The following PRPH2 variants were observed in gnomAD, a reference collection of about 807,000 sequenced individuals.
PRPH2 encodes peripherin-2.
In PRPH2, 17 loss-of-function variants were observed where a neutral mutation model predicts 31.3. That is an observed-to-expected ratio of 0.54 (90% CI 0.37 to 0.81). PRPH2 has a LOEUF of 0.81. PRPH2 is among the 40% of genes least tolerant of loss of function. The probability of loss-of-function intolerance (pLI) is 0.00; values close to 1 mark genes in which losing one functional copy is unlikely to be tolerated. For missense variants in PRPH2, 430 were observed against 439.7 expected (o/e 0.98, Z 0.20); for synonymous variants, 165 against 184.4 (o/e 0.89, Z 0.85).
intron 1 of PRPH2, among the ~76,000 whole-genome samples, chr6:42,705,259 G>A (rs1475360404): frequency 6.6e-6 from 1 of 152,136 alleles, no homozygotes; most frequent in Admixed American, 6.6e-5. Flanking sequence ...ATATTTTTGT[G>A]TGTATTTGTT....
chr6:42,714,087 C>T (rs1761728514), intron 1 of PRPH2, among the ~76,000 whole-genome samples: 1 of 151,966 alleles, frequency 6.6e-6, no homozygotes, highest in African/African-American at 2.4e-5. Flanking sequence ...TTTAACATCG[C>T]TGGGAAACAG....
intron 1 of PRPH2, among the ~76,000 whole-genome samples, chr6:42,716,747 A>G (rs1761790544): frequency 6.7e-6 from 1 of 149,774 alleles, no homozygotes; most frequent in Admixed American, 6.7e-5. Flanking sequence ...CAGCCTCCCA[A>G]GTAGCTGGGA....
chr6:42,714,575 G>T (rs1205664263), intron 1 of PRPH2, among the ~76,000 whole-genome samples: 2 of 152,188 alleles, frequency 1.3e-5, no homozygotes, highest in Non-Finnish European at 2.9e-5. Flanking sequence ...GGAGTGCAGT[G>T]GTGCAATCTC....
chr6:42,697,733 T>TC lies in PRPH2; in HGVS notation c.*561dup, dbSNP rs1799971452. On this transcript the variant is annotated 3_prime_UTR_variant, in exon 3 of 3. Coordinates refer to ENST00000230381, the MANE Select transcript of PRPH2 (RefSeq NM_000322.5). Reference sequence around the variant, plus strand: ...TTTAGAGCCCTCAATGCCTTAAGAGTCCATTATTCTTAGAAAAGCGTAACT... The same window carrying TC: ...TTTAGAGCCCTCAATGCCTTAAGAGTCCCATTATTCTTAGAAAAGCGTAACT... 1 of 153,912 alleles carries TC rather than the reference T, an allele frequency of 6.5e-6. No homozygotes were observed. Among genetic ancestry groups the TC allele is most frequent in the Non-Finnish European group, 1.4e-5 (1 of 69,774 alleles). The allele number at this position is 153,912 out of a possible 1,614,324, so 9.5% of individuals were successfully genotyped here.
intron 1 of PRPH2, among the ~76,000 whole-genome samples, chr6:42,713,944 AAAAGACAGGG>A (rs1287371800): frequency 2.1e-4 from 31 of 150,828 alleles, no homozygotes; most frequent in South Asian, 1.5e-3. Context: ...AAAAAAAAAA[AAAAGACAGGG>A]AAAGACAGGG....
In PRPH2 at chr6:42,697,800, A is replaced by G. The variant is rs1408323910; in HGVS notation, c.*495T>C. 1 of 138,294 alleles carries G rather than the reference A, an allele frequency of 7.2e-6. No individual in the cohort carries two copies. The highest frequency in any genetic ancestry group is 1.5e-5 in the Non-Finnish European group (1 of 65,274). The allele number at this position is 138,294 out of a possible 1,614,324, so 8.6% of individuals were successfully genotyped here. On this transcript the variant is annotated 3_prime_UTR_variant, in exon 3 of 3. Transcript: ENST00000230381. ...CATTAAGCAAACGGCCAACCTGTCAATCTTGGCATTAAAAAAAAAAAAAAA... is the reference window on the plus strand; with the variant it reads ...CATTAAGCAAACGGCCAACCTGTCAGTCTTGGCATTAAAAAAAAAAAAAAA...
chr6:42,712,072 G>C (rs1582771777), intron 1 of PRPH2: 4 of 619,914 alleles, frequency 6.5e-6, no homozygotes, highest in South Asian at 1.4e-4. Context: ...CCTCGACCCA[G>C]ACTACTGGTT....
At chr6:42,706,229 C>A (rs1178762821) in intron 1 of PRPH2, among the ~76,000 whole-genome samples, 13 of 151,890 alleles carry the variant, frequency 8.6e-5, no homozygotes. Flanking sequence ...CACGGTGAAA[C>A]CCCGTCTCTA....
chr6:42,704,136 G>A (rs1800101253), intron 2 of PRPH2, among the ~76,000 whole-genome samples: 1 of 149,736 alleles, frequency 6.7e-6, no homozygotes, highest in Admixed American at 6.8e-5. Context: ...AATTTAAGTG[G>A]TGGGAAAGAA....
chr6:42,703,144 C>T (rs375383600), intron 2 of PRPH2, among the ~76,000 whole-genome samples: 2 of 147,500 alleles, frequency 1.4e-5, no homozygotes, highest in African/African-American at 5.0e-5. Context: ...CAGTGAGCTA[C>T]GATCATGCCC....
In PRPH2 at chr6:42,704,330, C is replaced by T. The variant is rs761440220; in HGVS notation, c.828+35G>A. ...AGACCCAAATGGGACCGGAGGCTCT[C>T]CTTACCCTCTACCCCCAGCTGGCCC... On this transcript the variant is annotated intron_variant, in intron 2 of 2. Coordinates refer to ENST00000230381, the MANE Select transcript of PRPH2 (RefSeq NM_000322.5). 2.5e-6 allele frequency: 4 copies of T among 1,597,098 alleles called. No homozygotes were observed. In the African/African-American group the frequency reaches 5.4e-5, roughly 21 times the overall value.
In PRPH2 at chr6:42,722,237, A is replaced by ATG; in HGVS notation, c.96_97dup (p.Ile33ThrfsTer6). On this transcript the variant is annotated frameshift_variant, in exon 1 of 3. Coordinates refer to ENST00000230381, the MANE Select transcript of PRPH2 (RefSeq NM_000322.5). LOFTEE classifies it high-confidence loss of function. This position sits in a 1 kb window ranked among gnomAD's most constrained non-coding sequence, Gnocchi z 4.4. ...CAGGAACAGTCCTAGGCTGAAGATGATGATGCCAGCCAACACGGAGAACCA... is the reference window on the plus strand; with the variant it reads ...CAGGAACAGTCCTAGGCTGAAGATGATGTGATGCCAGCCAACACGGAGAACCA... 6.2e-7 allele frequency: 1 copy of ATG among 1,614,170 alleles called. No homozygotes were observed. Among genetic ancestry groups the ATG allele is most frequent in the Non-Finnish European group, 8.5e-7 (1 of 1,180,032 alleles).
At position 42,698,737 on chromosome 6, in the gene PRPH2, T is replaced by C. The variant is rs433286; in HGVS notation, c.829-230A>G. Among the ~76,000 whole-genome samples, 117,589 of 151,970 alleles carry C rather than the reference T, an allele frequency of 0.77. 45,585 individuals carry two copies. Among genetic ancestry groups the C allele is most frequent in the East Asian group, 0.86 (4,406 of 5,138 alleles). On this transcript the variant is annotated intron_variant, in intron 2 of 2. Transcript: ENST00000230381. ...CCCTCTCCTCCTCCCTTTCCAGCCATCCTGGGCTGCTTCGGATTCGCCCAT... is the reference window on the plus strand; with the variant it reads ...CCCTCTCCTCCTCCCTTTCCAGCCACCCTGGGCTGCTTCGGATTCGCCCAT...
intron 1 of PRPH2, among the ~76,000 whole-genome samples, chr6:42,714,578 G>A (rs1316241748): frequency 6.6e-6 from 1 of 152,164 alleles, no homozygotes; most frequent in Non-Finnish European, 1.5e-5. Flanking sequence ...GTGCAGTGGT[G>A]CAATCTCAGC....
At chr6:42,715,051 A>G (rs1761749066) in intron 1 of PRPH2, among the ~76,000 whole-genome samples, 1 of 152,004 alleles carries the variant, frequency 6.6e-6, no homozygotes, top group Admixed American at 6.6e-5. Flanking sequence ...TTCACTAAAA[A>G]TACAAAAATT....
rs375136092 is a variant in PRPH2, at chr6:42,699,685, G to A, written c.829-1178C>T. On this transcript the variant is annotated intron_variant, in intron 2 of 2. Coordinates refer to ENST00000230381, the MANE Select transcript of PRPH2 (RefSeq NM_000322.5). ...GAGGATTGCTTGAGCTCAGGAGTTC[G>A]AGACCAGCCTGGGCAACATAGCGAG... Among the ~76,000 whole-genome samples the A allele has an allele frequency of 5.3e-5, 8 of 152,214 alleles. No individual in the cohort carries two copies. The East Asian group carries it at 5.8e-4, about 11-fold the overall frequency.
At chr6:42,715,192 G>A (rs559688514) in intron 1 of PRPH2, among the ~76,000 whole-genome samples, 96 of 152,112 alleles carry the variant, frequency 6.3e-4, no homozygotes, top group African/African-American at 2.2e-3. Flanking sequence ...CTGGGTGACG[G>A]GGCAAGACTC....
Position 42,709,695 on chromosome 6 carries a change from G to A in PRPH2, c.582-5084C>T, listed in dbSNP as rs910461568. On this transcript the variant is annotated intron_variant, in intron 1 of 2. Coordinates refer to ENST00000230381, the MANE Select transcript of PRPH2 (RefSeq NM_000322.5). ...AGCAGGATGGGAGCCGTTGATGGACGAGCATCTGGCTGCCATTGGTGACAC... is the reference window on the plus strand; with the variant it reads ...AGCAGGATGGGAGCCGTTGATGGACAAGCATCTGGCTGCCATTGGTGACAC... Among the ~76,000 whole-genome samples, 8 of 152,246 alleles carry A rather than the reference G, an allele frequency of 5.3e-5. No individual in the cohort carries two copies. The East Asian group carries it at 1.2e-3, about 22-fold the overall frequency.
At chr6:42,712,398 G>C (rs946198971) in intron 1 of PRPH2, among the ~76,000 whole-genome samples, 8 of 152,180 alleles carry the variant, frequency 5.3e-5, no homozygotes, top group African/African-American at 1.9e-4. Flanking sequence ...TTGTGCTTAT[G>C]TTCAGCAGAA....
Sources: gnomAD v4.1 joint callset for allele counts (sites outside exome capture counted in the v4.1 genomes callset) on GRCh38, gnomAD v4.1.1 for gene constraint, Gnocchi (gnomAD v3.1) non-coding constraint, MANE v1.5 for transcripts, NCBI Gene and HGNC (gene_info 2026-07-23, HGNC 2026-07-21) for gene names.